The following CREB5 variants were observed in gnomAD, a reference collection of about 807,000 sequenced individuals.
The protein encoded by CREB5 is cyclic AMP-responsive element-binding protein 5.
CREB5 carries 19 observed loss-of-function variants against 57.1 expected under a neutral mutation model. That is an observed-to-expected ratio of 0.33 (90% CI 0.23 to 0.49). The LOEUF (loss-of-function observed/expected upper bound fraction) is 0.49, where lower values mean the gene tolerates loss of function less well. CREB5 is among the 20% of genes least tolerant of loss of function. The pLI, the probability that CREB5 is intolerant of heterozygous loss-of-function variation, is 0.99. For missense variants in CREB5, 579 were observed against 671.6 expected (o/e 0.86, Z 1.52); for synonymous variants, 238 against 238.3 (o/e 1.00, Z 0.01).
At chr7:28,458,915 T>G (rs1378597438) in intron 1 of CREB5, among the ~76,000 whole-genome samples, 1 of 152,250 alleles carries the variant, frequency 6.6e-6, no homozygotes, top group East Asian at 1.9e-4. Context: ...ATGCTATGCT[T>G]TGGGTGTGAT....
chr7:28,757,410 T>C (rs547690805), intron 7 of CREB5, among the ~76,000 whole-genome samples: 3 of 152,270 alleles, frequency 2.0e-5, no homozygotes, highest in South Asian at 2.1e-4. Context: ...CGGTGGCTCA[T>C]GCCTGTAATC....
chr7:28,672,188 A>AACAC (rs1554283304), intron 5 of CREB5, among the ~76,000 whole-genome samples: 115 of 147,078 alleles, frequency 7.8e-4, no homozygotes, highest in Middle Eastern at 3.4e-3. Flanking sequence ...AAAAAAAAAA[A>AACAC]ACACACACAC....
chr7:28,641,488 G>A (rs767659367), intron 5 of CREB5, among the ~76,000 whole-genome samples: 3 of 152,134 alleles, frequency 2.0e-5, no homozygotes, highest in East Asian at 3.9e-4. Context: ...TGAGCTAAAC[G>A]TAGCACAAGG....
intron 1 of CREB5, among the ~76,000 whole-genome samples, chr7:28,381,261 A>G (rs530645691): frequency 6.6e-6 from 1 of 152,204 alleles, no homozygotes; most frequent in South Asian, 2.1e-4. Context: ...ACATCTTTTA[A>G]CCCCAAGGAG....
intron 7 of CREB5, among the ~76,000 whole-genome samples, chr7:28,799,861 C>G (rs1435483742): frequency 2.0e-5 from 3 of 152,188 alleles, no homozygotes; most frequent in African/African-American, 7.2e-5. Context: ...TTCTGCTAAC[C>G]TTGGTTGACT....
At chr7:28,413,924 A>T (rs1448499446) in intron 1 of CREB5, among the ~76,000 whole-genome samples, 1 of 152,076 alleles carries the variant, frequency 6.6e-6, no homozygotes, top group Non-Finnish European at 1.5e-5. Context: ...TAGACTCCCA[A>T]TTTCTTACTA....
chr7:28,491,393 A>C, intron 2 of CREB5: 1 of 302,386 alleles, frequency 3.3e-6, no homozygotes, highest in Non-Finnish European at 4.9e-6. Context: ...TGACTTGAAA[A>C]TGCTGAAGTA....
At chr7:28,481,159 T>C (rs1018582707) in intron 1 of CREB5, among the ~76,000 whole-genome samples, 3 of 152,152 alleles carry the variant, frequency 2.0e-5, no homozygotes, top group African/African-American at 7.2e-5. Flanking sequence ...CCGGGTTAGT[T>C]TCCAGAGACA....
At chr7:28,559,038 T>C (rs1011391237) in intron 4 of CREB5, among the ~76,000 whole-genome samples, 1 of 152,172 alleles carries the variant, frequency 6.6e-6, no homozygotes, top group African/African-American at 2.4e-5. Context: ...CCCTTTCGTC[T>C]CCCACACTAC....
chr7:28,744,617 G>C (rs1251131631), intron 7 of CREB5, among the ~76,000 whole-genome samples: 1 of 151,924 alleles, frequency 6.6e-6, no homozygotes, highest in East Asian at 1.9e-4. Context: ...CAAAGAGCTG[G>C]GATTACAGGC....
intron 7 of CREB5, among the ~76,000 whole-genome samples, chr7:28,771,342 T>G (rs980000566): frequency 6.6e-6 from 1 of 152,174 alleles, no homozygotes; most frequent in African/African-American, 2.4e-5. Context: ...AGAGTCAGTT[T>G]ACGTTCCCTC....
intron 7 of CREB5, among the ~76,000 whole-genome samples, chr7:28,747,380 T>A (rs1182555739): frequency 2.0e-5 from 3 of 152,060 alleles, no homozygotes; most frequent in East Asian, 1.9e-4. Context: ...CCAAAATGAG[T>A]CCCATAATGA....
chr7:28,687,707 C>T (rs145269442), intron 5 of CREB5, among the ~76,000 whole-genome samples: 11 of 152,010 alleles, frequency 7.2e-5, no homozygotes, highest in African/African-American at 2.7e-4. Flanking sequence ...ATTTATTTAA[C>T]GCATGTTTTG....
At chr7:28,317,184 G>A (rs1785399124) in intron 1 of CREB5, among the ~76,000 whole-genome samples, 1 of 151,970 alleles carries the variant, frequency 6.6e-6, no homozygotes, top group Non-Finnish European at 1.5e-5. Flanking sequence ...GTTTCTCCCT[G>A]TTGCATGGTG....
intron 5 of CREB5, among the ~76,000 whole-genome samples, chr7:28,697,109 A>G (rs936017974): frequency 2.0e-5 from 3 of 152,102 alleles, no homozygotes; most frequent in African/African-American, 7.2e-5. Context: ...ATGGAATAAT[A>G]CTTAATTTTT....
chr7:28,405,094 T>G (rs1168992862), intron 1 of CREB5, among the ~76,000 whole-genome samples: 1 of 152,190 alleles, frequency 6.6e-6, no homozygotes, highest in Non-Finnish European at 1.5e-5. Flanking sequence ...AGTGTTGTGG[T>G]TTTCACAGTT....
chr7:28,704,396 T>C (rs1024255320), intron 5 of CREB5, among the ~76,000 whole-genome samples: 1 of 152,166 alleles, frequency 6.6e-6, no homozygotes, highest in African/African-American at 2.4e-5. Flanking sequence ...GAATTACTCA[T>C]CTATATGTGT....
intron 1 of CREB5, among the ~76,000 whole-genome samples, chr7:28,483,013 T>C (rs911676518): frequency 6.6e-6 from 1 of 152,226 alleles, no homozygotes; most frequent in Non-Finnish European, 1.5e-5. Flanking sequence ...GGATTAGTAA[T>C]GGCTTTCTAC....
chr7:28,670,004 C>T (rs1321290857), intron 5 of CREB5, among the ~76,000 whole-genome samples: 2 of 152,232 alleles, frequency 1.3e-5, no homozygotes, highest in African/African-American at 2.4e-5. Context: ...CTCATGTTCT[C>T]TGCCACATGC....
Sources: gnomAD v4.1 joint callset for allele counts (sites outside exome capture counted in the v4.1 genomes callset) on GRCh38, gnomAD v4.1.1 for gene constraint, MANE v1.5 for transcripts, NCBI Gene and HGNC (gene_info 2026-07-23, HGNC 2026-07-21) for gene names.